Variants in SMPD3 observed in about 807,000 individuals in gnomAD.
SMPD3 encodes the protein nSMase-2.
Under a neutral mutation model 55.7 loss-of-function variants are expected in SMPD3, and 21 were observed. That is an observed-to-expected ratio of 0.38 (90% confidence interval 0.27 to 0.54). SMPD3 has a LOEUF of 0.54. Ranked by LOEUF, SMPD3 falls within the 20% of genes least tolerant of loss-of-function variation. The pLI, the probability that SMPD3 is intolerant of heterozygous loss-of-function variation, is 0.80. For synonymous variants in SMPD3, 457 were observed against 404.3 expected, an observed-to-expected ratio of 1.13 and a Z score of -1.56; for missense variants, 842 against 899.6, an observed-to-expected ratio of 0.94 and a Z score of 0.82.
chr16:68,363,419 A>G (rs960060546), intron 7 of SMPD3, 77 bp downstream of exon 7: 17 of 1,531,158 alleles, frequency 1.1e-5, no homozygotes, highest in African/African-American at 6.8e-5. Context: ...GAGCTCTCCC[A>G]TGTGGGTCCT....
At chr16:68,415,649 T>C (rs921187754) in intron 1 of SMPD3, among the ~76,000 whole-genome samples, 1 of 152,216 alleles carries the variant, frequency 6.6e-6, no homozygotes, top group Admixed American at 6.5e-5. Context: ...CTTTTAAAAA[T>C]ATAGCAAAAA....
At position 68,358,835 on chromosome 16, in the gene SMPD3, T is replaced by A. The variant is rs1013143360; in HGVS notation, c.*2371A>T. 1 of 152,370 alleles carries A rather than the reference T, an allele frequency of 6.6e-6. No individual in the cohort carries two copies. The highest frequency in any genetic ancestry group is 2.4e-5 in the African/African-American group (1 of 41,414). The allele number at this position is 152,370 out of a possible 1,614,324, so 9.4% of individuals were successfully genotyped here. ...TCTGAGATCCAGCAATGGTTCACTT[T>A]AAAAAATCAGTGGAAGGGCCTGGCC... On this transcript the variant is annotated 3_prime_UTR_variant, in exon 9 of 9. Coordinates refer to ENST00000219334, the MANE Select transcript of SMPD3 (RefSeq NM_018667.4).
chr16:68,365,808 A>G (rs1271894895), intron 3 of SMPD3, among the ~76,000 whole-genome samples: 2 of 152,134 alleles, frequency 1.3e-5, no homozygotes, highest in African/African-American at 2.4e-5. Flanking sequence ...AAGACGGAGC[A>G]GGTGACCCTG....
At chr16:68,364,594 T>G in intron 5 of SMPD3, 157 bp downstream of exon 5, 3 of 834,964 alleles carry the variant, frequency 3.6e-6, no homozygotes, top group Non-Finnish European at 5.5e-6. Flanking sequence ...TTCTAGGATT[T>G]CTAGGGGGCA....
At chr16:68,409,809 G>C (rs1468001475) in intron 1 of SMPD3, among the ~76,000 whole-genome samples, 1 of 152,198 alleles carries the variant, frequency 6.6e-6, no homozygotes, top group Non-Finnish European at 1.5e-5. Flanking sequence ...TAGCCGGGAT[G>C]GTCTCGACTC....
chr16:68,366,839 C>T (rs891385967), intron 3 of SMPD3, among the ~76,000 whole-genome samples: 1 of 152,156 alleles, frequency 6.6e-6, no homozygotes, highest in African/African-American at 2.4e-5. Context: ...GAAACGCTGT[C>T]TCTACTAAAA....
chr16:68,387,614 T>G (rs957446728), intron 1 of SMPD3, among the ~76,000 whole-genome samples: 1 of 152,194 alleles, frequency 6.6e-6, no homozygotes, highest in Non-Finnish European at 1.5e-5. Flanking sequence ...GCCCCCTGTC[T>G]CAGGCCCAGT....
intron 2 of SMPD3, among the ~76,000 whole-genome samples, chr16:68,375,881 C>T (rs1463817599): frequency 1.3e-5 from 2 of 152,214 alleles, no homozygotes; most frequent in South Asian, 4.1e-4. Context: ...AGCATGCCAG[C>T]CCTTCCCGCT....
intron 1 of SMPD3, among the ~76,000 whole-genome samples, chr16:68,431,930 A>C (rs1259133567): frequency 6.6e-6 from 1 of 151,974 alleles, no homozygotes; most frequent in Non-Finnish European, 1.5e-5. Context: ...TGAAAAAAAC[A>C]AAACAAAACA....
intron 1 of SMPD3, among the ~76,000 whole-genome samples, chr16:68,417,764 C>G (rs2090350599): frequency 6.6e-6 from 1 of 152,200 alleles, no homozygotes; most frequent in Admixed American, 6.5e-5. Flanking sequence ...TTTGCTATAT[C>G]ACACAGCTCC....
At chr16:68,399,269 T>A (rs1465887342) in intron 1 of SMPD3, among the ~76,000 whole-genome samples, 2 of 152,188 alleles carry the variant, frequency 1.3e-5, no homozygotes, top group African/African-American at 2.4e-5. Flanking sequence ...TGGGGACTTC[T>A]GGCTTCTCCT....
At chr16:68,431,912 ACT>A (rs764218789) in intron 1 of SMPD3, among the ~76,000 whole-genome samples, 2 of 151,962 alleles carry the variant, frequency 1.3e-5, no homozygotes, top group African/African-American at 4.8e-5. Flanking sequence ...ACAGAGCAAG[ACT>A]CTGTCTGAAA....
At chr16:68,430,355 T>TCCCCAG (rs2090469759) in intron 1 of SMPD3, among the ~76,000 whole-genome samples, 3 of 152,232 alleles carry the variant, frequency 2.0e-5, no homozygotes, top group Admixed American at 1.3e-4. Context: ...CCAGTCATGC[T>TCCCCAG]TTATCGACTA....
Position 68,376,629 on chromosome 16 carries a change from C to A in SMPD3, c.-206-4242G>T, listed in dbSNP as rs117147012. 4.3e-3 allele frequency among the ~76,000 whole-genome samples: 654 copies of A among 152,324 alleles called. 13 individuals carry two copies. In the East Asian group the frequency reaches 0.074, roughly 17 times the overall value. ...TTCTGAGGTTGCCCAGAATGACATC[C>A]CCCAACACCATGCTCTCCAGACCTG... On this transcript the variant is annotated intron_variant, in intron 2 of 8. Transcript: ENST00000219334.
intron 2 of SMPD3, 49 bp downstream of exon 2, chr16:68,386,549 C>T (rs2090055458): frequency 6.6e-6 from 1 of 152,054 alleles, no homozygotes; most frequent in Admixed American, 6.6e-5. Flanking sequence ...GGAGCGCTCC[C>T]TTCCCCACCC....
intron 1 of SMPD3, among the ~76,000 whole-genome samples, chr16:68,430,062 T>G (rs2090467656): frequency 1.3e-5 from 2 of 151,860 alleles, no homozygotes; most frequent in African/African-American, 4.8e-5. Context: ...ATCTGCAGAG[T>G]GGGGTTGGAG....
intron 1 of SMPD3, among the ~76,000 whole-genome samples, chr16:68,435,312 T>A (rs533487359): frequency 6.1e-4 from 93 of 152,290 alleles, no homozygotes; most frequent in South Asian, 8.3e-4. Context: ...ACAAACTGTT[T>A]TAAAAAATCC....
intron 1 of SMPD3, among the ~76,000 whole-genome samples, chr16:68,400,954 C>T (rs191286589): frequency 7.6e-4 from 116 of 152,368 alleles, no homozygotes; most frequent in Middle Eastern, 6.8e-3. Context: ...TTATTGGATG[C>T]TTGTGATTGG....
At chr16:68,392,682 GAA>G (rs1160111732) in intron 1 of SMPD3, among the ~76,000 whole-genome samples, 6 of 151,898 alleles carry the variant, frequency 4.0e-5, no homozygotes, top group Non-Finnish European at 8.8e-5. Flanking sequence ...GCCAACACGC[GAA>G]ACTCTGTTTC....
Sources: gnomAD v4.1 joint callset for allele counts (sites outside exome capture counted in the v4.1 genomes callset) on GRCh38, gnomAD v4.1.1 for gene constraint, MANE v1.5 for transcripts, NCBI Gene and HGNC (gene_info 2026-07-23, HGNC 2026-07-21) for gene names.